The following PLEKHG7 variants were observed in gnomAD, a reference collection of about 807,000 sequenced individuals.
The protein encoded by PLEKHG7 is pleckstrin homology and RhoGEF domain containing G7.
PLEKHG7 carries 77 observed loss-of-function variants against 85.2 expected under a neutral mutation model. The observed-to-expected ratio is 0.90, with a 90% CI of 0.75 to 1.09. The LOEUF (loss-of-function observed/expected upper bound fraction) is 1.09. Among genes scored for constraint, PLEKHG7 ranks in the 50% least tolerant of loss-of-function variants. The pLI is 0.00. For missense variants in PLEKHG7, 777 were observed against 804.3 expected (o/e 0.97, Z 0.41); for synonymous variants, 301 against 302.4 (o/e 1.00, Z 0.05).
intron 5 of PLEKHG7, among the ~76,000 whole-genome samples, chr12:92,733,192 A>T (rs1872042988): frequency 6.6e-6 from 1 of 152,060 alleles, no homozygotes; most frequent in Non-Finnish European, 1.5e-5. Context: ...GGCCAAATGG[A>T]TTACTCTCCC....
chr12:92,721,701 C>CAAAAAAAAAAAA (rs1871647957), intron 3 of PLEKHG7, among the ~76,000 whole-genome samples: 1 of 9,430 alleles, frequency 1.1e-4, no homozygotes, highest in African/African-American at 4.7e-4. Context: ...AAGCATAAAA[C>CAAAAAAAAAAAA]CAAAAAAAAA....
intron 1 of PLEKHG7, 56 bp downstream of exon 1, chr12:92,703,188 G>T (rs908913142): frequency 2.6e-5 from 4 of 152,272 alleles, no homozygotes; most frequent in Admixed American, 2.0e-4. Context: ...CTTTCCTTTT[G>T]TCCTATTGCT....
In PLEKHG7 at chr12:92,728,984, T is replaced by C. The variant is rs994711441; in HGVS notation, c.531-9T>C. On this transcript the variant is annotated splice_polypyrimidine_tract_variant and intron_variant, in intron 3 of 16. Transcript: ENST00000344636. ...TCGGTGTGGTTTTCCTTTTATCTCT[T>C]GAGCACAGGTTCTACGAGCACAGGC... 7.3e-6 allele frequency: 9 copies of C among 1,231,640 alleles called. No homozygotes were observed. The East Asian group carries it at 2.8e-4, about 39-fold the overall frequency. 76.3% of individuals were successfully genotyped at this position (1,231,640 alleles called of 1,614,324 possible). A position where few individuals can be genotyped will look rare whatever the true frequency, so the allele number is the denominator to read the frequency against.
intron 10 of PLEKHG7, among the ~76,000 whole-genome samples, chr12:92,748,718 AC>A (rs1872606050): frequency 6.6e-6 from 1 of 152,212 alleles, no homozygotes; most frequent in Non-Finnish European, 1.5e-5. Flanking sequence ...CAAAGAAAGA[AC>A]CATAGCAAGA....
intron 3 of PLEKHG7, among the ~76,000 whole-genome samples, chr12:92,727,692 G>A (rs528582762): frequency 6.1e-4 from 93 of 151,926 alleles, no homozygotes; most frequent in African/African-American, 2.0e-3. Context: ...AGGTTCAAGC[G>A]ATTCTCCTGC....
intron 9 of PLEKHG7, among the ~76,000 whole-genome samples, chr12:92,743,110 A>G (rs1227614874): frequency 1.3e-5 from 2 of 152,180 alleles, no homozygotes; most frequent in African/African-American, 4.8e-5. Flanking sequence ...TGACCTCCAA[A>G]TCTCAGTGGC....
chr12:92,725,611 T>C (rs1724270594), intron 3 of PLEKHG7, among the ~76,000 whole-genome samples: 1 of 152,192 alleles, frequency 6.6e-6, no homozygotes, highest in African/African-American at 2.4e-5. Flanking sequence ...GGAAGCAGCC[T>C]TTTATAACTG....
intron 7 of PLEKHG7, among the ~76,000 whole-genome samples, chr12:92,740,526 GTGT>G (rs148303445): frequency 0.024 from 3,601 of 152,278 alleles, 155 homozygotes; most frequent in African/African-American, 0.081. Context: ...CAAGTTAGTA[GTGT>G]TGTTGGCAAG....
chr12:92,722,699 G>A (rs1871681232), intron 3 of PLEKHG7, among the ~76,000 whole-genome samples: 1 of 152,174 alleles, frequency 6.6e-6, no homozygotes, highest in African/African-American at 2.4e-5. Flanking sequence ...AACTGGGGGA[G>A]GGTGAGCACT....
chr12:92,747,757 A>G (rs972877359), intron 10 of PLEKHG7, among the ~76,000 whole-genome samples: 1 of 152,244 alleles, frequency 6.6e-6, no homozygotes, highest in African/African-American at 2.4e-5. Context: ...TCACTTACAG[A>G]TAAAACTAGA....
At chr12:92,737,749 G>GAGGAAGGGAGGGAGGGAAGGAGGGAGGT (rs1872211708) in intron 7 of PLEKHG7, among the ~76,000 whole-genome samples, 1 of 125,938 alleles carries the variant, frequency 7.9e-6, no homozygotes, top group African/African-American at 3.3e-5. Context: ...GGGAGGGAGG[G>GAGGAAGGGAGGGAGGGAAGGAGGGAGGT]AGGAAGGAAG....
At chr12:92,741,698 C>A in intron 9 of PLEKHG7, 106 bp downstream of exon 9, 2 of 660,754 alleles carry the variant, frequency 3.0e-6, no homozygotes, top group Non-Finnish European at 4.9e-6. Context: ...GAAAGTTCTA[C>A]CTCCACTCTC....
chr12:92,705,826 T>G (rs752322961), intron 1 of PLEKHG7, among the ~76,000 whole-genome samples: 8 of 152,250 alleles, frequency 5.3e-5, no homozygotes, highest in Non-Finnish European at 1.0e-4. Flanking sequence ...CAGCTTTTCT[T>G]GAGCATGAGA....
chr12:92,729,854 C>T (rs1385230471), intron 4 of PLEKHG7, among the ~76,000 whole-genome samples: 1 of 152,104 alleles, frequency 6.6e-6, no homozygotes, highest in Non-Finnish European at 1.5e-5. Flanking sequence ...CTGAGATGAG[C>T]CCCAAAGACT....
In PLEKHG7 at chr12:92,737,485, C is replaced by G. The variant is rs1221068710; in HGVS notation, c.903C>G (p.Cys301Trp). Residue 301 changes from cysteine (C) to tryptophan (W), a missense_variant, in exon 7 of 17, where the codon TGC becomes TGG. Cys to Trp is a radical substitution (Grantham distance 215). Transcript: ENST00000344636. The stretch of plus-strand genomic sequence containing the variant: ...TGTGGGAACTTTTCACAAGTGAATG[C>G]ACCTATTTTTTGGACCATTTATTAG... ...EAVWELFTSE[C>W]TYFLDHLLVL... 1.2e-6 allele frequency: 2 copies of G among 1,602,800 alleles called. No individual in the cohort carries two copies. The highest frequency in any genetic ancestry group is 1.8e-5 in the Admixed American group (1 of 56,714).
intron 3 of PLEKHG7, among the ~76,000 whole-genome samples, chr12:92,715,375 C>A (rs1294109034): frequency 6.6e-6 from 1 of 152,208 alleles, no homozygotes; most frequent in Non-Finnish European, 1.5e-5. Flanking sequence ...GCAACACCTT[C>A]ACAGATACAC....
chr12:92,731,942 C>T (rs942019194), intron 4 of PLEKHG7, among the ~76,000 whole-genome samples: 3 of 152,162 alleles, frequency 2.0e-5, no homozygotes, highest in Admixed American at 1.3e-4. Context: ...TTATAGATTT[C>T]CTTTCAAGCA....
chr12:92,752,980 AG>A (rs1165463470), intron 10 of PLEKHG7, among the ~76,000 whole-genome samples: 1 of 152,108 alleles, frequency 6.6e-6, no homozygotes, highest in Admixed American at 6.6e-5. Context: ...CCCATTCAAG[AG>A]GGCTCCATGC....
In PLEKHG7 at chr12:92,706,492, T is replaced by G; in HGVS notation, c.-140T>G. On this transcript the variant is annotated 5_prime_UTR_variant, in exon 2 of 17. It adds an upstream start codon to the 5' untranslated region. Coordinates refer to ENST00000344636, the MANE Select transcript of PLEKHG7 (RefSeq NM_001377329.1). ...ACAGATGCAATAACCTGCTTGACAT[T>G]CTCCTCTGGAAAAGGAAAAGAACTA... 1 of 1,059,970 alleles carries G rather than the reference T, an allele frequency of 9.4e-7. No homozygotes were observed. The highest frequency in any genetic ancestry group is 1.3e-6 in the Non-Finnish European group (1 of 752,020). The allele number at this position is 1,059,970 out of a possible 1,614,324, so 65.7% of individuals were successfully genotyped here.
Sources: allele counts gnomAD v4.1 joint callset (sites outside exome capture counted in the v4.1 genomes callset), GRCh38; gene constraint gnomAD v4.1.1; transcripts MANE v1.5; gene names NCBI Gene and HGNC (gene_info 2026-07-23, HGNC 2026-07-21).